Variants in FSTL5 observed in about 807,000 individuals in gnomAD.
FSTL5 encodes follistatin-related protein 5.
FSTL5 carries 62 observed loss-of-function variants against 89.1 expected under a neutral mutation model. The ratio of observed to expected loss-of-function variants is 0.70; its 90% confidence interval spans 0.57 to 0.86. The LOEUF is 0.86. Among genes scored for constraint, FSTL5 ranks in the 40% least tolerant of loss-of-function variants. The pLI, the probability that FSTL5 is intolerant of heterozygous loss-of-function variation, is 0.00. For missense variants in FSTL5, 1,057 were observed against 1,001.6 expected (o/e 1.06, Z -0.75); for synonymous variants, 383 against 346.2 (o/e 1.11, Z -1.18).
Position 161,779,821 on chromosome 4 carries a change from A to ATATATATATATATATATATG in FSTL5, c.410-3748_410-3747insCATATATATATATATATATA, listed in dbSNP as rs1741591267. On this transcript the variant is annotated intron_variant, in intron 4 of 15. Transcript: ENST00000306100. ...TATATATATATATATGTATATATAT[A>ATATATATATATATATATATG]TATATATATATATATGTATATAAAA... Among the ~76,000 whole-genome samples the ATATATATATATATATATATG allele has an allele frequency of 9.5e-5, 6 of 63,360 alleles. 1 individual carries two copies. The highest frequency in any genetic ancestry group is 2.0e-4 in the Admixed American group (1 of 5,106). The allele number at this position is 63,360 out of a possible 152,430, so 41.6% of individuals were successfully genotyped here.
Position 161,542,710 on chromosome 4 carries a change from A to G in FSTL5, c.1016-17T>C. The G allele has an allele frequency of 2.1e-6, 3 of 1,409,774 alleles. No individual in the cohort carries two copies. In the Admixed American group the frequency reaches 7.9e-5, roughly 37 times the overall value. The allele number at this position is 1,409,774 out of a possible 1,614,324, so 87.3% of individuals were successfully genotyped here. On this transcript the variant is annotated splice_polypyrimidine_tract_variant and intron_variant, in intron 8 of 15. Transcript: ENST00000306100. ...CTGGAGGAACTAAAGGAAAAAATGA[A>G]AGAGAAAGTGAATTAGTGATTCATA...
intron 4 of FSTL5, among the ~76,000 whole-genome samples, chr4:161,894,690 G>A (rs1733099707): frequency 6.6e-6 from 1 of 152,058 alleles, no homozygotes; most frequent in Admixed American, 6.5e-5. Flanking sequence ...TGTCGACCAG[G>A]CTGACCTCAA....
chr4:161,933,122 A>G lies in FSTL5; in HGVS notation c.161-12470T>C, dbSNP rs74355383. On this transcript the variant is annotated intron_variant, in intron 3 of 15. Transcript: ENST00000306100. ...CATTTTACATTGTTGGCCGACACGC[A>G]TGGCGGGTTAGGTATATATTTAGAG... 0.013 allele frequency among the ~76,000 whole-genome samples: 1,984 copies of G among 152,224 alleles called. 125 individuals are homozygous for G. The East Asian group carries it at 0.2, about 16-fold the overall frequency.
chr4:161,767,641 G>A (rs529128236), intron 5 of FSTL5, among the ~76,000 whole-genome samples: 16 of 152,176 alleles, frequency 1.1e-4, no homozygotes, highest in African/African-American at 3.9e-4. Flanking sequence ...ATTTTAAAGG[G>A]AAAAGCTAAG....
intron 6 of FSTL5, among the ~76,000 whole-genome samples, chr4:161,739,850 AG>A (rs1418127328): frequency 1.1e-5 from 1 of 94,240 alleles, no homozygotes; most frequent in East Asian, 3.4e-4. Flanking sequence ...ACTCCACAGA[AG>A]TAAAAAAAAA....
At chr4:161,504,807 C>G (rs1289249807) in intron 11 of FSTL5, among the ~76,000 whole-genome samples, 1 of 152,066 alleles carries the variant, frequency 6.6e-6, no homozygotes, top group African/African-American at 2.4e-5. Context: ...CACTCAAGAA[C>G]AGTAGTGTAT....
At chr4:161,687,461 T>A (rs1223778158) in intron 6 of FSTL5, among the ~76,000 whole-genome samples, 6 of 152,350 alleles carry the variant, frequency 3.9e-5, no homozygotes, top group East Asian at 1.9e-4. Context: ...ATTTATTATG[T>A]TTTTTGCATA....
chr4:161,799,002 A>G (rs1729718629), intron 4 of FSTL5, among the ~76,000 whole-genome samples: 2 of 151,696 alleles, frequency 1.3e-5, no homozygotes, highest in African/African-American at 2.4e-5. Context: ...GGTAAACCCT[A>G]TATTAGGTTT....
rs114640530 is a variant in FSTL5, at chr4:161,455,354, C to T, written c.1717-226G>A. Among the ~76,000 whole-genome samples the T allele has an allele frequency of 3.7e-3, 557 of 152,016 alleles. 3 individuals carry two copies. The highest frequency in any genetic ancestry group is 0.012 in the African/African-American group (504 of 41,466). ...AAAGAAAAAAATAGAAAAATATTTG[C>T]CTTGAACAATTTCAGCTTAAAATAT... On this transcript the variant is annotated intron_variant, in intron 14 of 15. Transcript: ENST00000306100.
At chr4:161,546,353 T>C (rs1240784556) in intron 8 of FSTL5, among the ~76,000 whole-genome samples, 3 of 148,986 alleles carry the variant, frequency 2.0e-5, no homozygotes, top group South Asian at 2.1e-4. Context: ...GAGGTAACCA[T>C]TGTGATATTC....
chr4:161,740,003 TTTA>T (rs1352698804), intron 6 of FSTL5, among the ~76,000 whole-genome samples: 79 of 146,540 alleles, frequency 5.4e-4, no homozygotes, highest in Non-Finnish European at 9.9e-4. Flanking sequence ...TATCTATTTA[TTTA>T]TTTATTTATT....
intron 13 of FSTL5, among the ~76,000 whole-genome samples, chr4:161,466,317 A>G (rs1733746121): frequency 6.6e-6 from 1 of 152,186 alleles, no homozygotes; most frequent in African/African-American, 2.4e-5. Flanking sequence ...GTTAAAACAC[A>G]TGATACCCTA....
rs560268974 is a variant in FSTL5 at position 161,915,976 on chromosome 4, T to A, written c.409+4428A>T. ...ATTTTAAAATATATCTGGCAGCCAG[T>A]TTTTTAGCCTAAATTCTACAAGTTC... is the stretch of plus-strand genomic sequence containing the variant. On this transcript the variant is annotated intron_variant, in intron 4 of 15. Transcript: ENST00000306100. Among the ~76,000 whole-genome samples, 277 of 152,028 alleles carry A rather than the reference T, an allele frequency of 1.8e-3. 1 individual carries two copies. The highest frequency in any genetic ancestry group is 6.3e-3 in the African/African-American group (263 of 41,502).
chr4:162,100,747 C>T (rs1461343211), intron 2 of FSTL5, among the ~76,000 whole-genome samples: 4 of 151,998 alleles, frequency 2.6e-5, no homozygotes, highest in African/African-American at 9.7e-5. Context: ...AAAGGGAGGG[C>T]TGTGCATGTG....
At chr4:161,715,590 A>T (rs781244325) in intron 6 of FSTL5, among the ~76,000 whole-genome samples, 47 of 152,120 alleles carry the variant, frequency 3.1e-4, no homozygotes, top group Non-Finnish European at 6.5e-4. Flanking sequence ...CCCGTAAAAG[A>T]ATTATAAGTT....
intron 7 of FSTL5, among the ~76,000 whole-genome samples, chr4:161,620,069 CTCAG>C (rs1022001142): frequency 4.0e-5 from 6 of 151,682 alleles, no homozygotes; most frequent in African/African-American, 1.5e-4. Context: ...AATCATCATT[CTCAG>C]TAAACTATCG....
chr4:161,423,144 G>A (rs188999406), intron 15 of FSTL5, among the ~76,000 whole-genome samples: 2 of 152,246 alleles, frequency 1.3e-5, no homozygotes, highest in East Asian at 3.9e-4. Context: ...ACAGGAAACA[G>A]ATTTCAAAGC....
chr4:162,153,961 A>G (rs929144588), intron 1 of FSTL5, among the ~76,000 whole-genome samples: 12 of 151,336 alleles, frequency 7.9e-5, no homozygotes, highest in African/African-American at 2.7e-4. Flanking sequence ...GCCTGCCACC[A>G]TGCCCAGCTA....
intron 6 of FSTL5, among the ~76,000 whole-genome samples, chr4:161,708,649 A>T (rs1217099725): frequency 6.6e-6 from 1 of 151,974 alleles, no homozygotes; most frequent in African/African-American, 2.4e-5. Context: ...CTTTCATTTT[A>T]TCTTTCCCTC....
Sources: allele counts gnomAD v4.1 joint callset (sites outside exome capture counted in the v4.1 genomes callset), GRCh38; gene constraint gnomAD v4.1.1; transcripts MANE v1.5; gene names NCBI Gene and HGNC (gene_info 2026-07-23, HGNC 2026-07-21).